Variants in BMPER observed in about 807,000 individuals in gnomAD.
BMPER encodes BMP binding endothelial regulator.
BMPER carries 45 observed loss-of-function variants against 87.3 expected under a neutral mutation model. The ratio of observed to expected loss-of-function variants is 0.52; its 90% CI spans 0.41 to 0.66. BMPER has a LOEUF of 0.66. Ranked by LOEUF, BMPER falls within the 30% of genes least tolerant of loss-of-function variation. BMPER has a pLI of 0.00. For missense variants in BMPER, 784 were observed against 867.5 expected (o/e 0.90, Z 1.21); for synonymous variants, 326 against 316.2 (o/e 1.03, Z -0.33).
intron 6 of BMPER, among the ~76,000 whole-genome samples, chr7:34,037,781 G>C (rs1417358596): frequency 6.6e-6 from 1 of 152,204 alleles, no homozygotes; most frequent in Non-Finnish European, 1.5e-5. Flanking sequence ...GGGCGAATAA[G>C]ACGAAAACAT....
At chr7:33,955,175 G>A (rs570981924) in intron 3 of BMPER, among the ~76,000 whole-genome samples, 1 of 152,304 alleles carries the variant, frequency 6.6e-6, no homozygotes, top group East Asian at 1.9e-4. Context: ...GGGATTACAG[G>A]CGTAAGCCAC....
intron 13 of BMPER, among the ~76,000 whole-genome samples, chr7:34,133,379 G>A (rs942768710): frequency 6.6e-6 from 1 of 152,116 alleles, no homozygotes; most frequent in Admixed American, 6.5e-5. Context: ...TAAACACACA[G>A]GGGTTCTGGA....
intron 3 of BMPER, among the ~76,000 whole-genome samples, chr7:33,963,268 A>G (rs1370976304): frequency 2.0e-5 from 3 of 152,318 alleles, no homozygotes; most frequent in South Asian, 2.1e-4. Context: ...TCTCAATGCA[A>G]TTAAACCCAG....
chr7:34,008,729 T>C (rs1786800811), intron 6 of BMPER, among the ~76,000 whole-genome samples: 2 of 152,056 alleles, frequency 1.3e-5, no homozygotes, highest in African/African-American at 4.8e-5. Flanking sequence ...AATGGCAATG[T>C]CCCAATGTTT....
At chr7:33,968,645 A>G (rs1785462710) in intron 4 of BMPER, among the ~76,000 whole-genome samples, 2 of 152,188 alleles carry the variant, frequency 1.3e-5, no homozygotes, top group South Asian at 4.1e-4. Flanking sequence ...CAGAAAGCCA[A>G]ACTGTTAAAA....
rs1162680232 is a variant in BMPER, at chr7:34,058,127, C to T, written c.996C>T (p.Arg332=). Reference sequence around the variant, plus strand: ...GTGTGAAAGGCAGGACGGAGTGTCGCAATAAGCAGTGCATTCCCATCAGTA... The same window carrying T: ...GTGTGAAAGGCAGGACGGAGTGTCGTAATAAGCAGTGCATTCCCATCAGTA... ...CACVKGRTEC[R]NKQCIPISSC... is the part of the protein sequence containing the mutation. The change falls in exon 10 of 15, where the codon CGC becomes CGT. Residue 332 remains arginine, a synonymous_variant. Coordinates refer to ENST00000649409, the MANE Select transcript of BMPER (RefSeq NM_001365308.1). 2 of 1,614,010 alleles carry T rather than the reference C, an allele frequency of 1.2e-6. No homozygotes were observed. The highest frequency in any genetic ancestry group is 1.3e-5 in the African/African-American group (1 of 74,914).
chr7:34,099,268 A>G (rs1194480548), intron 13 of BMPER, among the ~76,000 whole-genome samples: 1 of 152,222 alleles, frequency 6.6e-6, no homozygotes, highest in African/African-American at 2.4e-5. Flanking sequence ...CCCGGGCAGC[A>G]CTTGTGCTTT....
At chr7:34,151,888 T>C (rs771464480) in intron 14 of BMPER, among the ~76,000 whole-genome samples, 8 of 152,264 alleles carry the variant, frequency 5.3e-5, no homozygotes, top group Non-Finnish European at 1.2e-4. Flanking sequence ...AGTCATTGAT[T>C]ACTCGCTGGA....
chr7:33,921,759 A>G (rs1379447079), intron 2 of BMPER: 7 of 470,790 alleles, frequency 1.5e-5, no homozygotes, highest in Non-Finnish European at 3.1e-5. Flanking sequence ...ACGTGACGTT[A>G]TGTTTGTTGC....
At chr7:33,914,845 G>A (rs922763219) in intron 2 of BMPER, among the ~76,000 whole-genome samples, 5 of 152,162 alleles carry the variant, frequency 3.3e-5, no homozygotes, top group South Asian at 2.1e-4. Flanking sequence ...GGCAGAAGAC[G>A]TTTGAAGAAG....
chr7:34,126,214 A>G lies in BMPER; in HGVS notation c.1746-17016A>G, dbSNP rs569867874. On this transcript the variant is annotated intron_variant, in intron 13 of 14. Transcript: ENST00000649409. ...GCCACCCCTTCTCCAGTTAGCCTGG[A>G]AGATTGTTCCAGATGATGAGCATGG... Among the ~76,000 whole-genome samples the G allele has an allele frequency of 8.5e-5, 13 of 152,318 alleles. No homozygotes were observed. In the East Asian group the frequency reaches 1.5e-3, roughly 18 times the overall value.
chr7:33,935,742 C>A (rs747645904), intron 2 of BMPER, among the ~76,000 whole-genome samples: 1 of 152,138 alleles, frequency 6.6e-6, no homozygotes, highest in Admixed American at 6.5e-5. Context: ...GGCTGTGGAT[C>A]GATGCCCTTT....
intron 13 of BMPER, among the ~76,000 whole-genome samples, chr7:34,133,611 C>T (rs975569436): frequency 1.1e-4 from 17 of 152,138 alleles, no homozygotes; most frequent in African/African-American, 2.2e-4. Context: ...GTGGAAACTC[C>T]GATTTATAAA....
At chr7:34,120,832 A>C (rs948745951) in intron 13 of BMPER, among the ~76,000 whole-genome samples, 8 of 152,216 alleles carry the variant, frequency 5.3e-5, no homozygotes, top group Admixed American at 4.6e-4. Context: ...AATGTGCATA[A>C]ATTGTGGAAA....
At chr7:33,920,911 A>G (rs886998447) in intron 2 of BMPER, among the ~76,000 whole-genome samples, 1 of 152,218 alleles carries the variant, frequency 6.6e-6, no homozygotes, top group Non-Finnish European at 1.5e-5. Flanking sequence ...AAACTTTATA[A>G]TAGGTCAACT....
intron 6 of BMPER, among the ~76,000 whole-genome samples, chr7:34,033,871 A>G (rs1439619549): frequency 2.0e-5 from 3 of 152,178 alleles, no homozygotes; most frequent in Admixed American, 6.5e-5. Flanking sequence ...CTATCCTTCT[A>G]GTTATGGTCT....
chr7:34,106,906 C>T (rs1789834589), intron 13 of BMPER, among the ~76,000 whole-genome samples: 1 of 152,180 alleles, frequency 6.6e-6, no homozygotes, highest in Non-Finnish European at 1.5e-5. Context: ...TCCTACCCAC[C>T]TTTCCATATC....
rs1270373020 is a variant in BMPER, at chr7:34,079,167, G to A, written c.1389G>A (p.Leu463=). The change falls in exon 12 of 15, where the codon TTG becomes TTA. Residue 463 remains leucine (L), a synonymous_variant. Transcript: ENST00000649409. ...HFHIDLDGYL[L]KVTTKAGLEI... is the part of the protein sequence containing the mutation. ...ACATCGACCTGGATGGCTACCTCTT[G>A]AAAGTGACCACCAAAGCAGGTGGGG... 1 of 1,613,642 alleles carries A rather than the reference G, an allele frequency of 6.2e-7. No individual in the cohort carries two copies. Among genetic ancestry groups the A allele is most frequent in the African/African-American group, 1.3e-5 (1 of 74,936 alleles).
chr7:33,928,983 C>T (rs1383317524), intron 2 of BMPER, among the ~76,000 whole-genome samples: 1 of 152,170 alleles, frequency 6.6e-6, no homozygotes, highest in Non-Finnish European at 1.5e-5. Context: ...TTTCTTTAAT[C>T]TCCCTCTGTT....
Sources: gnomAD v4.1 joint callset for allele counts (sites outside exome capture counted in the v4.1 genomes callset) on GRCh38, gnomAD v4.1.1 for gene constraint, MANE v1.5 for transcripts, NCBI Gene and HGNC (gene_info 2026-07-23, HGNC 2026-07-21) for gene names.